The following LZTS1 variants were observed in gnomAD, a reference collection of about 807,000 sequenced individuals.
LZTS1 encodes leucine zipper putative tumor suppressor 1.
In LZTS1, 31 loss-of-function variants were observed where a neutral mutation model predicts 45.8. The ratio of observed to expected loss-of-function variants is 0.68; its 90% CI spans 0.51 to 0.91. The LOEUF is 0.91. LZTS1 is among the 40% of genes least tolerant of loss of function. The pLI is 0.00. For synonymous variants in LZTS1, 359 were observed against 357.3 expected, an observed-to-expected ratio of 1.00 and a Z score of -0.05; for missense variants, 821 against 788.9, an observed-to-expected ratio of 1.04 and a Z score of -0.49.
intron 1 of LZTS1, among the ~76,000 whole-genome samples, chr8:20,268,228 G>A (rs1415586376): frequency 7.0e-6 from 1 of 143,776 alleles, no homozygotes; most frequent in Non-Finnish European, 1.5e-5. Context: ...GAGGGCAGCT[G>A]CTCTTGCAGA....
intron 1 of LZTS1, among the ~76,000 whole-genome samples, chr8:20,265,020 A>G (rs1245769120): frequency 6.6e-6 from 1 of 152,058 alleles, no homozygotes; most frequent in African/African-American, 2.4e-5. Flanking sequence ...GTGCTGCTTG[A>G]ATCAGAGAGG....
At chr8:20,294,542 G>T (rs1301048152) in intron 1 of LZTS1, among the ~76,000 whole-genome samples, 1 of 152,186 alleles carries the variant, frequency 6.6e-6, no homozygotes, top group Non-Finnish European at 1.5e-5. Context: ...CCTGCCTGCA[G>T]TGTGGTTTGT....
intron 1 of LZTS1, chr8:20,290,468 T>C (rs567969951): frequency 1.3e-5 from 2 of 152,354 alleles, no homozygotes; most frequent in South Asian, 4.1e-4. Context: ...AGCCTGCCTG[T>C]TTCACGTAGG....
chr8:20,296,580 T>C (rs1370320393), intron 1 of LZTS1, among the ~76,000 whole-genome samples: 1 of 137,802 alleles, frequency 7.3e-6, no homozygotes, highest in East Asian at 2.2e-4. Flanking sequence ...ATCTTGGGAG[T>C]CTCTGAAGAT....
intron 1 of LZTS1, among the ~76,000 whole-genome samples, chr8:20,297,588 G>A (rs927248098): frequency 6.6e-6 from 1 of 151,930 alleles, no homozygotes; most frequent in Non-Finnish European, 1.5e-5. Context: ...CTAATTTTTT[G>A]TATTTTTAAT....
In LZTS1 at chr8:20,254,905, G is replaced by C; in HGVS notation, c.277C>G (p.Gln93Glu). ...TALSSGDLGGQAGVDFDPSTP... is the reference protein window; with the variant it reads ...TALSSGDLGGEAGVDFDPSTP... Reference sequence around the variant, plus strand: ...GACGGGTCAAAGTCCACCCCAGCCTGGCCCCCTAAATCCCCGCTGGACAGT... The same window carrying C: ...GACGGGTCAAAGTCCACCCCAGCCTCGCCCCCTAAATCCCCGCTGGACAGT... The change falls in exon 2 of 4, where the codon CAG becomes GAG. Residue 93 changes from glutamine (Q) to glutamate (E), a missense_variant. Coordinates refer to ENST00000381569, the MANE Select transcript of LZTS1 (RefSeq NM_021020.5). 6.2e-7 allele frequency: 1 copy of C among 1,614,182 alleles called. No homozygotes were observed.
rs1799824103 is a variant in LZTS1, at chr8:20,249,541, T to G, written c.*181A>C. The G allele has an allele frequency of 2.8e-6, 2 of 707,344 alleles. No homozygotes were observed. Among genetic ancestry groups the G allele is most frequent in the South Asian group, 2.0e-5 (1 of 51,114 alleles). 43.8% of individuals were successfully genotyped at this position (707,344 alleles called of 1,614,324 possible). ...GACGTCTGGTGGGCTGCAGGGCTGG[T>G]GAGCACTGGGACATCAGAGAGGGAA... On this transcript the variant is annotated 3_prime_UTR_variant, in exon 4 of 4. Transcript: ENST00000381569.
intron 1 of LZTS1, among the ~76,000 whole-genome samples, chr8:20,261,608 C>T (rs1466843026): frequency 6.6e-6 from 1 of 152,238 alleles, no homozygotes; most frequent in South Asian, 2.1e-4. Context: ...GTGACACCTG[C>T]CTCTGATGGT....
chr8:20,268,256 CAGGCA>C (rs1800402330), intron 1 of LZTS1, among the ~76,000 whole-genome samples: 1 of 151,390 alleles, frequency 6.6e-6, no homozygotes, highest in Non-Finnish European at 1.5e-5. Flanking sequence ...GAACAGTCCC[CAGGCA>C]TCTGCCAGCT....
intron 1 of LZTS1, among the ~76,000 whole-genome samples, chr8:20,270,533 G>T (rs538741600): frequency 6.6e-6 from 1 of 152,186 alleles, no homozygotes; most frequent in Non-Finnish European, 1.5e-5. Context: ...GAAGGACAGA[G>T]GTGGCAAGAC....
chr8:20,288,847 A>G (rs1013513327), intron 1 of LZTS1, among the ~76,000 whole-genome samples: 1 of 151,888 alleles, frequency 6.6e-6, no homozygotes, highest in Admixed American at 6.5e-5. Context: ...TCTTCCCCCA[A>G]GTCTTGGGCC....
chr8:20,274,350 A>T (rs1355411824), intron 1 of LZTS1, among the ~76,000 whole-genome samples: 2 of 152,082 alleles, frequency 1.3e-5, no homozygotes, highest in Non-Finnish European at 2.9e-5. Context: ...ACACCATAAA[A>T]CACTCTACAC....
At chr8:20,250,472 G>A (rs1467879670) in intron 3 of LZTS1, 109 bp from the exon 4 acceptor site, 19 of 1,064,890 alleles carry the variant, frequency 1.8e-5, no homozygotes, top group South Asian at 4.9e-5. Flanking sequence ...GCGGTGGCCC[G>A]GTGTTAGGCA....
chr8:20,277,920 C>G (rs982085193), intron 1 of LZTS1, among the ~76,000 whole-genome samples: 5 of 152,180 alleles, frequency 3.3e-5, no homozygotes, highest in African/African-American at 1.2e-4. Context: ...TGTGTGGAAA[C>G]ACTCCCATCT....
At chr8:20,259,331 G>A (rs776132561) in intron 1 of LZTS1, among the ~76,000 whole-genome samples, 4 of 152,184 alleles carry the variant, frequency 2.6e-5, no homozygotes, top group African/African-American at 7.2e-5. Flanking sequence ...ATGTGTGCAC[G>A]ATATGTGTTG....
In LZTS1 at chr8:20,289,551, G is replaced by A. The variant is rs7016149; in HGVS notation, c.-135+14189C>T. The stretch of plus-strand genomic sequence containing the variant: ...ACCTCCTGGTCCCTCAACTGCTCCA[G>A]GGTCAGGCAATGGAGCACAGTTCTC... On this transcript the variant is annotated intron_variant, in intron 1 of 3. Coordinates refer to ENST00000381569, the MANE Select transcript of LZTS1 (RefSeq NM_021020.5). Among the ~76,000 whole-genome samples the A allele has an allele frequency of 0.28, 42,740 of 152,114 alleles. 6,285 individuals carry two copies. Among genetic ancestry groups the A allele is most frequent in the East Asian group, 0.39 (2,008 of 5,136 alleles).
intron 1 of LZTS1, among the ~76,000 whole-genome samples, chr8:20,267,661 G>A (rs57435297): frequency 0.024 from 3,686 of 152,176 alleles, 149 homozygotes; most frequent in African/African-American, 0.083. Context: ...GACTACAGGC[G>A]CTCACGCCAC....
At chr8:20,266,544 G>A (rs946647840) in intron 1 of LZTS1, among the ~76,000 whole-genome samples, 1 of 151,820 alleles carries the variant, frequency 6.6e-6, no homozygotes, top group Non-Finnish European at 1.5e-5. Context: ...TCACCTGGGG[G>A]AAGTGCATCC....
At chr8:20,296,619 G>A (rs562172182) in intron 1 of LZTS1, among the ~76,000 whole-genome samples, 21 of 152,244 alleles carry the variant, frequency 1.4e-4, no homozygotes, top group Non-Finnish European at 3.1e-4. Flanking sequence ...TTGGGCTTGT[G>A]AGTTTGGGTA....
Sources: allele counts gnomAD v4.1 joint callset (sites outside exome capture counted in the v4.1 genomes callset), GRCh38; gene constraint gnomAD v4.1.1; transcripts MANE v1.5; gene names NCBI Gene and HGNC (gene_info 2026-07-23, HGNC 2026-07-21).